UMAD1: variants seen among roughly 807,000 people sequenced by gnomAD.
UMAD1 encodes the protein UBAP1-MVB12-associated (UMA)-domain containing protein 1.
In UMAD1, 8 loss-of-function variants were observed where a neutral mutation model predicts 6.1. The observed-to-expected ratio is 1.30, with a 90% CI of 0.76 to 2.35. The LOEUF (loss-of-function observed/expected upper bound fraction) is 2.35. UMAD1 is among the 30% of genes most tolerant of loss of function. UMAD1 has a pLI of 0.00. For synonymous variants in UMAD1, 56 were observed against 31.4 expected (o/e 1.78, Z -2.61); for missense variants, 130 against 78.4 (o/e 1.66, Z -2.49).
chr7:7,798,713 A>G (rs2115271753), intron 2 of UMAD1, among the ~76,000 whole-genome samples: 1 of 152,214 alleles, frequency 6.6e-6, no homozygotes, highest in South Asian at 2.1e-4. Context: ...CATGCATTGG[A>G]ACCGTTCACC....
At chr7:7,827,135 A>ATGTGTGTGTGTGTGTGTGTGTGTGTG (rs1178394302) in intron 3 of UMAD1, among the ~76,000 whole-genome samples, 6 of 114,504 alleles carry the variant, frequency 5.2e-5, no homozygotes, top group Non-Finnish European at 1.1e-4. Context: ...ATATATATAT[A>ATGTGTGTGTGTGTGTGTGTGTGTGTG]TATATATATA....
intron 2 of UMAD1, among the ~76,000 whole-genome samples, chr7:7,761,251 G>A (rs1159033685): frequency 1.3e-5 from 2 of 151,504 alleles, no homozygotes; most frequent in Non-Finnish European, 2.9e-5. Flanking sequence ...TGTGGTCCCA[G>A]CTACTCGGGA....
At chr7:7,671,299 C>T (rs13227682) in intron 1 of UMAD1, among the ~76,000 whole-genome samples, 23,124 of 152,162 alleles carry the variant, frequency 0.15, 2,159 homozygotes, top group Middle Eastern at 0.23. Flanking sequence ...ATGCCCCCCT[C>T]TTCTCTTTAT....
At chr7:7,827,122 GATATATATAT>G (rs112036833) in intron 3 of UMAD1, among the ~76,000 whole-genome samples, 69 of 140,402 alleles carry the variant, frequency 4.9e-4, no homozygotes, top group Middle Eastern at 3.5e-3. Flanking sequence ...CACAGTCCAG[GATATATATAT>G]ATATATATAT....
In UMAD1 at chr7:7,719,682, C is replaced by G. The variant is rs536376015; in HGVS notation, c.82+46229C>G. On this transcript the variant is annotated intron_variant, in intron 2 of 3. Coordinates refer to ENST00000682710, the MANE Select transcript of UMAD1 (RefSeq NM_001302348.2). ...TTAGTGACTACTGTACTTTGCAGTA[C>G]TTTATAATCTTAAGTTTAGGAGGCT... Among the ~76,000 whole-genome samples the G allele has an allele frequency of 6.7e-4, 102 of 151,996 alleles. 1 individual carries two copies. The highest frequency in any genetic ancestry group is 2.4e-3 in the African/African-American group (98 of 41,420).
chr7:7,688,578 G>C (rs192222304), intron 2 of UMAD1, among the ~76,000 whole-genome samples: 1 of 152,210 alleles, frequency 6.6e-6, no homozygotes, highest in African/African-American at 2.4e-5. Context: ...CTGTCTCGAG[G>C]CTTCCTCAGT....
chr7:7,743,557 C>G (rs1298650838), intron 2 of UMAD1, among the ~76,000 whole-genome samples: 1 of 151,790 alleles, frequency 6.6e-6, no homozygotes, highest in Non-Finnish European at 1.5e-5. Flanking sequence ...ATACTTTCCC[C>G]TTATGTATGT....
intron 3 of UMAD1, among the ~76,000 whole-genome samples, chr7:7,802,195 T>C (rs888393038): frequency 4.6e-5 from 7 of 152,276 alleles, no homozygotes; most frequent in Non-Finnish European, 8.8e-5. Flanking sequence ...CTGGCCAACA[T>C]GGTGAAACCC....
chr7:7,821,695 T>C (rs1297902872), intron 3 of UMAD1, among the ~76,000 whole-genome samples: 2 of 152,194 alleles, frequency 1.3e-5, no homozygotes, highest in African/African-American at 2.4e-5. Context: ...AGTTGACTAA[T>C]AGCAATCGAT....
chr7:7,742,466 G>C, intron 2 of UMAD1: 1 of 537,470 alleles, frequency 1.9e-6, no homozygotes, highest in Non-Finnish European at 3.7e-6. Flanking sequence ...TTGTGGTTGT[G>C]GACACCTTTC....
chr7:7,652,966 G>A (rs190906308), intron 1 of UMAD1, among the ~76,000 whole-genome samples: 1 of 152,296 alleles, frequency 6.6e-6, no homozygotes, highest in Admixed American at 6.5e-5. Flanking sequence ...ACTGAATAAT[G>A]TTTTATTTAT....
At chr7:7,852,306 C>G (rs75721968) in intron 3 of UMAD1, among the ~76,000 whole-genome samples, 4,060 of 152,236 alleles carry the variant, frequency 0.027, 197 homozygotes, top group African/African-American at 0.093. Flanking sequence ...GGATATCACT[C>G]TACCAGCAAG....
chr7:7,778,267 TGTGTGTGTGA>T (rs1286336107), intron 2 of UMAD1, among the ~76,000 whole-genome samples: 34 of 107,864 alleles, frequency 3.2e-4, no homozygotes, highest in African/African-American at 9.9e-4. Flanking sequence ...TGTGTGTGTG[TGTGTGTGTGA>T]GAGAGAGAGA....
intron 3 of UMAD1, among the ~76,000 whole-genome samples, chr7:7,833,754 C>A (rs10241412): frequency 0.42 from 64,196 of 151,966 alleles, 14,178 homozygotes; most frequent in East Asian, 0.56. Context: ...ATATACAAAA[C>A]CATAGTTCTA....
intron 3 of UMAD1, among the ~76,000 whole-genome samples, chr7:7,811,789 G>C (rs1783026432): frequency 6.6e-6 from 1 of 152,178 alleles, no homozygotes; most frequent in Admixed American, 6.5e-5. Context: ...GGTCCTTGCA[G>C]GTAAATTGTC....
intron 2 of UMAD1, among the ~76,000 whole-genome samples, chr7:7,759,218 G>A (rs1240805923): frequency 1.3e-5 from 2 of 152,200 alleles, no homozygotes; most frequent in Non-Finnish European, 2.9e-5. Context: ...TGTATGTAGT[G>A]TTAGAAACTA....
intron 1 of UMAD1, among the ~76,000 whole-genome samples, chr7:7,669,981 A>G (rs999252520): frequency 5.9e-5 from 9 of 152,194 alleles, no homozygotes; most frequent in African/African-American, 2.2e-4. Context: ...GTGACAGATT[A>G]TAATGTTATG....
intron 2 of UMAD1, among the ~76,000 whole-genome samples, chr7:7,690,149 T>C (rs1407289290): frequency 6.6e-6 from 1 of 152,230 alleles, no homozygotes; most frequent in Non-Finnish European, 1.5e-5. Flanking sequence ...CCAGCTATGT[T>C]ATTAAGTCAG....
At position 7,836,696 on chromosome 7, in the gene UMAD1, A is replaced by G. The variant is rs1783577253; in HGVS notation, c.156+34953A>G. On this transcript the variant is annotated intron_variant, in intron 3 of 3. Coordinates refer to ENST00000682710, the MANE Select transcript of UMAD1 (RefSeq NM_001302348.2). ...AAGTGTATTTGGGAAAAAATAGAAC[A>G]TTAGAAATTAAAAACAGTTATTCAA... is the stretch of plus-strand genomic sequence containing the variant. Among the ~76,000 whole-genome samples, 5 of 152,036 alleles carry G rather than the reference A, an allele frequency of 3.3e-5. No homozygotes were observed. The South Asian group carries it at 1.0e-3, about 31-fold the overall frequency.
Sources: allele counts gnomAD v4.1 joint callset (sites outside exome capture counted in the v4.1 genomes callset), GRCh38; gene constraint gnomAD v4.1.1; transcripts MANE v1.5; gene names NCBI Gene and HGNC (gene_info 2026-07-23, HGNC 2026-07-21).